Variants in NOVA1 observed in about 807,000 individuals in gnomAD.
NOVA1 encodes the protein NOVA alternative splicing regulator 1.
A neutral mutation model predicts 38.0 loss-of-function variants in NOVA1; 7 were observed. The observed-to-expected ratio is 0.18, with a 90% confidence interval of 0.10 to 0.35. The LOEUF is 0.35. Ranked by LOEUF, NOVA1 falls within the 10% of genes least tolerant of loss-of-function variation. The pLI is 1.00. For synonymous variants in NOVA1, 270 were observed against 232.5 expected (o/e 1.16, Z -1.47); for missense variants, 460 against 616.0 (o/e 0.75, Z 2.68).
chr14:26,508,476 A>G (rs1887808837), intron 2 of NOVA1, among the ~76,000 whole-genome samples: 1 of 151,948 alleles, frequency 6.6e-6, no homozygotes, highest in Non-Finnish European at 1.5e-5. Context: ...TGATGATTTT[A>G]TGTAGGAATA....
At chr14:26,549,368 G>T (rs1469177474) in intron 2 of NOVA1, 1 of 147,532 alleles carries the variant, frequency 6.8e-6, no homozygotes, top group African/African-American at 2.5e-5. Flanking sequence ...TAAGAACATG[G>T]CTCTGAAATC....
chr14:26,591,474 T>G (rs1226910392), intron 2 of NOVA1, among the ~76,000 whole-genome samples: 1 of 151,680 alleles, frequency 6.6e-6, no homozygotes, highest in Non-Finnish European at 1.5e-5. Context: ...AATTTTGCCT[T>G]AAAATATATA....
chr14:26,526,235 T>C (rs1300757454), intron 2 of NOVA1, among the ~76,000 whole-genome samples: 2 of 152,182 alleles, frequency 1.3e-5, no homozygotes, highest in African/African-American at 4.8e-5. Flanking sequence ...TATAAGAATA[T>C]GTTTTTAAAT....
chr14:26,561,751 G>GTC (rs1891843356), intron 2 of NOVA1, among the ~76,000 whole-genome samples: 1 of 151,932 alleles, frequency 6.6e-6, no homozygotes, highest in African/African-American at 2.4e-5. Context: ...TAAAAGTTTT[G>GTC]TCTATTTATA....
At chr14:26,500,914 G>A (rs1225394222) in intron 2 of NOVA1, among the ~76,000 whole-genome samples, 1 of 151,744 alleles carries the variant, frequency 6.6e-6, no homozygotes, top group Admixed American at 6.6e-5. Context: ...ATACTTTTGA[G>A]GGAAAAAAAG....
At chr14:26,498,028 G>T (rs1253546959) in intron 2 of NOVA1, among the ~76,000 whole-genome samples, 1 of 152,076 alleles carries the variant, frequency 6.6e-6, no homozygotes, top group Admixed American at 6.6e-5. Flanking sequence ...TGAAATACAT[G>T]ATGTTGAATA....
chr14:26,461,089 A>G (rs1026401316), intron 4 of NOVA1, among the ~76,000 whole-genome samples: 1 of 152,198 alleles, frequency 6.6e-6, no homozygotes, highest in African/African-American at 2.4e-5. Flanking sequence ...AACTTTGATG[A>G]AACAGAGAAA....
In NOVA1 at chr14:26,486,626, A is replaced by G. The variant is rs371102811; in HGVS notation, c.281-6483T>C. ...TGGGAGGCTGAGGCAGGAGAATGGC[A>G]TGAACCTGGGAGGCAGAGCTTGCAG... On this transcript the variant is annotated intron_variant, in intron 2 of 4. Coordinates refer to ENST00000539517, the MANE Select transcript of NOVA1 (RefSeq NM_002515.3). Among the ~76,000 whole-genome samples, 34 of 137,512 alleles carry G rather than the reference A, an allele frequency of 2.5e-4. No individual in the cohort carries two copies. The East Asian group carries it at 8.0e-3, about 32-fold the overall frequency. The allele number at this position is 137,512 out of a possible 152,430, so 90.2% of individuals were successfully genotyped here.
intron 4 of NOVA1, among the ~76,000 whole-genome samples, chr14:26,463,365 T>C (rs1566442504): frequency 6.6e-6 from 1 of 152,192 alleles, no homozygotes; most frequent in Non-Finnish European, 1.5e-5. Flanking sequence ...TTCTGATATG[T>C]GTATTATACA....
chr14:26,482,235 C>G (rs894076877), intron 2 of NOVA1, among the ~76,000 whole-genome samples: 1 of 151,994 alleles, frequency 6.6e-6, no homozygotes, highest in Non-Finnish European at 1.5e-5. Context: ...CACAGGTTCA[C>G]AATTGCAGTA....
chr14:26,559,331 C>T (rs1040505176), intron 2 of NOVA1, among the ~76,000 whole-genome samples: 1 of 151,988 alleles, frequency 6.6e-6, no homozygotes, highest in Non-Finnish European at 1.5e-5. Context: ...TTACCGTCAT[C>T]ATTTATTGAA....
At chr14:26,583,284 C>CA (rs1427201117) in intron 2 of NOVA1, among the ~76,000 whole-genome samples, 1 of 151,266 alleles carries the variant, frequency 6.6e-6, no homozygotes, top group Non-Finnish European at 1.5e-5. Context: ...ATTTGACCTG[C>CA]AAAAAAACAT....
intron 2 of NOVA1, among the ~76,000 whole-genome samples, chr14:26,505,329 G>A (rs1016404499): frequency 6.6e-5 from 10 of 152,054 alleles, no homozygotes; most frequent in African/African-American, 1.9e-4. Flanking sequence ...GATCATGGGG[G>A]CAGTTTCCCC....
At chr14:26,546,966 C>G (rs1446353054) in intron 2 of NOVA1, among the ~76,000 whole-genome samples, 1 of 152,054 alleles carries the variant, frequency 6.6e-6, no homozygotes, top group Non-Finnish European at 1.5e-5. Context: ...CTGCAGTGAG[C>G]CGAGATCGTG....
chr14:26,531,345 C>G (rs1423482812), intron 2 of NOVA1, among the ~76,000 whole-genome samples: 1 of 152,150 alleles, frequency 6.6e-6, no homozygotes, highest in African/African-American at 2.4e-5. Flanking sequence ...CGGTGGCTCA[C>G]GCCTGTAATC....
At chr14:26,588,696 A>C (rs1257323578) in intron 2 of NOVA1, among the ~76,000 whole-genome samples, 1 of 151,560 alleles carries the variant, frequency 6.6e-6, no homozygotes, top group Non-Finnish European at 1.5e-5. Context: ...ATCACGGTAA[A>C]AGTATATATG....
intron 2 of NOVA1, among the ~76,000 whole-genome samples, chr14:26,565,476 T>TCCTTTTCTTTCACCATACCACTCTCTC (rs1566542568): frequency 2.0e-5 from 3 of 151,944 alleles, no homozygotes; most frequent in Non-Finnish European, 4.4e-5. Context: ...ACCACTCTCT[T>TCCTTTTCTTTCACCATACCACTCTCTC]TCCTTTTCTT....
At position 26,520,507 on chromosome 14, in the gene NOVA1, A is replaced by C. The variant is rs1300714286; in HGVS notation, c.281-40364T>G. ...GGGGGCCATTTTAAGCAACGAAGTCAACAACAAAAAGCACAAAATTAAGCC... is the reference window on the plus strand; with the variant it reads ...GGGGGCCATTTTAAGCAACGAAGTCCACAACAAAAAGCACAAAATTAAGCC... On this transcript the variant is annotated intron_variant, in intron 2 of 4. Transcript: ENST00000539517. Among the ~76,000 whole-genome samples, 4 of 152,238 alleles carry C rather than the reference A, an allele frequency of 2.6e-5. No homozygotes were observed. In the South Asian group the frequency reaches 8.3e-4, roughly 31 times the overall value.
intron 3 of NOVA1, among the ~76,000 whole-genome samples, chr14:26,474,899 G>T (rs1363534863): frequency 6.6e-6 from 1 of 151,622 alleles, no homozygotes; most frequent in African/African-American, 2.4e-5. Flanking sequence ...AGCACAAAAA[G>T]ACCCCTGCTT....
Sources: allele counts gnomAD v4.1 joint callset (sites outside exome capture counted in the v4.1 genomes callset), GRCh38; gene constraint gnomAD v4.1.1; transcripts MANE v1.5; gene names NCBI Gene and HGNC (gene_info 2026-07-23, HGNC 2026-07-21).